HERC2: variants seen among roughly 807,000 people sequenced by gnomAD.
HERC2 encodes the protein HECT and RLD domain containing E3 ubiquitin protein ligase 2, also known as E3 ubiquitin-protein ligase HERC2.
In HERC2, 102 loss-of-function variants were observed where a neutral mutation model predicts 537.7. The observed-to-expected ratio is 0.19, with a 90% CI of 0.16 to 0.22. The LOEUF (loss-of-function observed/expected upper bound fraction) is 0.22. Among genes scored for constraint, HERC2 ranks in the 10% least tolerant of loss-of-function variants. HERC2 has a pLI of 1.00. For synonymous variants in HERC2, 2,224 were observed against 2,466.2 expected, an observed-to-expected ratio of 0.90 and a Z score of 2.91; for missense variants, 4,236 against 6,198.2, an observed-to-expected ratio of 0.68 and a Z score of 10.63.
chr15:28,300,106 C>T (rs1209886463), intron 2 of HERC2, among the ~76,000 whole-genome samples: 1 of 149,416 alleles, frequency 6.7e-6, no homozygotes, highest in Non-Finnish European at 1.5e-5. Flanking sequence ...CACAAACACA[C>T]ACACGTGCAT....
rs1903141469 is a variant in HERC2, at chr15:28,241,710, C to T, written c.3578-2938G>A. Reference sequence around the variant, plus strand: ...TGGCGCACGCCTGTAGTCCCAGCTACTCAGGGGGCTGAGGCAGGGGAATTG... The same window carrying T: ...TGGCGCACGCCTGTAGTCCCAGCTATTCAGGGGGCTGAGGCAGGGGAATTG... On this transcript the variant is annotated intron_variant, in intron 23 of 92. Coordinates refer to ENST00000261609, the MANE Select transcript of HERC2 (RefSeq NM_004667.6). 2.0e-5 allele frequency among the ~76,000 whole-genome samples: 3 copies of T among 152,274 alleles called. No homozygotes were observed. In the South Asian group the frequency reaches 6.2e-4, roughly 32 times the overall value.
At chr15:28,321,564 G>C (rs4932629) in intron 1 of HERC2, 100 bp from the exon 2 acceptor site, 22 of 536,500 alleles carry the variant, frequency 4.1e-5, no homozygotes, top group Non-Finnish European at 6.1e-5. Context: ...GAACAGAAAG[G>C]GGGGAGAGAA....
chr15:28,130,340 T>C (rs774493793), intron 82 of HERC2, 38 bp from the exon 83 acceptor site: 7 of 1,613,482 alleles, frequency 4.3e-6, no homozygotes, highest in Non-Finnish European at 5.9e-6. Flanking sequence ...TGGGGCAAGG[T>C]GATCTCACTG....
In HERC2 at chr15:28,292,905, A is replaced by G; in HGVS notation, c.305T>C (p.Val102Ala). 1 of 1,610,510 alleles carries G rather than the reference A, an allele frequency of 6.2e-7. No individual in the cohort carries two copies. The highest frequency in any genetic ancestry group is 8.5e-7 in the Non-Finnish European group (1 of 1,179,654). ...AAGATTACCTGGTTGCTTGCCCCAT[A>G]CCCAGCTGTCCAGAATTGACTTGGC... Reference protein sequence around the residue: ...YRAKSILDSWVWGKQPDVNEL... With the variant: ...YRAKSILDSWAWGKQPDVNEL... The change falls in exon 4 of 93, where the codon GTA becomes GCA. Residue 102 changes from valine to alanine, a missense_variant. Val to Ala is a moderately conservative substitution (Grantham distance 64). Around this residue, in one of 27 missense-constraint regions of HERC2, gnomAD observed 491 missense variants for 559.3 expected, o/e 0.88. Coordinates refer to ENST00000261609, the MANE Select transcript of HERC2 (RefSeq NM_004667.6).
intron 20 of HERC2, among the ~76,000 whole-genome samples, chr15:28,252,673 A>G (rs1317308770): frequency 6.6e-6 from 1 of 152,220 alleles, no homozygotes; most frequent in Non-Finnish European, 1.5e-5. Context: ...TTCCATTAAC[A>G]CAAACTATAT....
intron 5 of HERC2, among the ~76,000 whole-genome samples, chr15:28,279,830 A>C (rs963543061): frequency 4.6e-5 from 7 of 152,182 alleles, no homozygotes; most frequent in African/African-American, 1.7e-4. Flanking sequence ...AAAAGAAAAG[A>C]AAAATTTTAT....
intron 37 of HERC2, among the ~76,000 whole-genome samples, chr15:28,219,118 A>G (rs925647608): frequency 2.6e-5 from 4 of 152,256 alleles, no homozygotes; most frequent in African/African-American, 9.6e-5. Context: ...ATAACTCAGA[A>G]GCAATAAATG....
At position 28,220,527 on chromosome 15, in the gene HERC2, A is replaced by G; in HGVS notation, c.5770T>C (p.Tyr1924His). Residue 1924 changes from tyrosine to histidine, a missense_variant, in exon 37 of 93, where the codon TAC becomes CAC. Transcript: ENST00000261609. ...GGCAGCTCTGCCAGCTTGAGGTCGT[A>G]TTTTCCTTCTTTCCCCATCCTGTAG... ...NSYRMGKEGK[Y>H]DLKLAELPAA... The G allele has an allele frequency of 6.2e-7, 1 of 1,601,708 alleles. No homozygotes were observed. The highest frequency in any genetic ancestry group is 8.5e-7 in the Non-Finnish European group (1 of 1,179,772).
intron 37 of HERC2, among the ~76,000 whole-genome samples, chr15:28,218,981 G>C (rs1413169576): frequency 6.6e-6 from 1 of 152,040 alleles, no homozygotes. Context: ...GCTTTGGAAA[G>C]GGAAACAGAT....
intron 89 of HERC2, chr15:28,115,174 A>G (rs892959657): frequency 5.1e-5 from 26 of 514,046 alleles, no homozygotes; most frequent in African/African-American, 2.7e-4. Flanking sequence ...CAGCTGCCCA[A>G]AAGCTCAGCT....
At chr15:28,192,242 A>G in intron 52 of HERC2, 91 bp from the exon 53 acceptor site, 1 of 1,128,076 alleles carries the variant, frequency 8.9e-7, no homozygotes, top group South Asian at 1.6e-5. Flanking sequence ...GGAGCTTCTT[A>G]AAGAAAAATA....
At position 28,214,661 on chromosome 15, in the gene HERC2, G is replaced by C. The variant is rs764255392; in HGVS notation, c.6352C>G (p.Leu2118Val). 6.2e-7 allele frequency: 1 copy of C among 1,612,008 alleles called. No individual in the cohort carries two copies. The highest frequency in any genetic ancestry group is 2.2e-5 in the East Asian group (1 of 44,872). Reference sequence around the variant, plus strand: ...AAGGTAGACGGCCACCCACCTCTGAGTAATGGCACGTCAGAGGAGCAGGTA... The same window carrying C: ...AAGGTAGACGGCCACCCACCTCTGACTAATGGCACGTCAGAGGAGCAGGTA... ...LTTCSSDVPL[L>V]RESTLRRRRV... Residue 2118 changes from leucine (L) to valine (V), a missense_variant, in exon 40 of 93, where the codon CTC becomes GTC. By Grantham distance (32) the Leu-to-Val change is conservative. Transcript: ENST00000261609.
In HERC2 at chr15:28,169,620, T is replaced by C. The variant is rs756456241; in HGVS notation, c.10093A>G (p.Asn3365Asp). ...PSDADSSAASNKISGASNSKP... is the reference protein window; with the variant it reads ...PSDADSSAASDKISGASNSKP... ...GAATTACTTGCACCACTTATTTTATTACTGGCAGCAGAAGAATCAGCATCT... is the reference window on the plus strand; with the variant it reads ...GAATTACTTGCACCACTTATTTTATCACTGGCAGCAGAAGAATCAGCATCT... Residue 3365 changes from asparagine (N) to aspartate (D), a missense_variant, in exon 66 of 93, where the codon AAT becomes GAT. Asn to Asp is a conservative substitution (Grantham distance 23). This residue lies in a region of HERC2 where 356 missense variants were observed against 450.9 expected (regional missense o/e 0.79). Transcript: ENST00000261609. The C allele has an allele frequency of 3.7e-6, 6 of 1,613,436 alleles. No homozygotes were observed. In the South Asian group the frequency reaches 6.6e-5, roughly 18 times the overall value.
chr15:28,304,729 CTTTAAG>C (rs2076733887), intron 2 of HERC2, among the ~76,000 whole-genome samples: 1 of 99,294 alleles, frequency 1.0e-5, no homozygotes, highest in African/African-American at 4.6e-5. Context: ...TTTTTTTATA[CTTTAAG>C]TTTTAGGGTA....
At chr15:28,146,420 C>G in intron 70 of HERC2, 76 bp from the exon 71 acceptor site, 3 of 942,696 alleles carry the variant, frequency 3.2e-6, no homozygotes, top group South Asian at 1.3e-5. Flanking sequence ...AAACTAAAAC[C>G]ACATTTAACA....
chr15:28,250,596 G>A (rs1347927741), intron 20 of HERC2, among the ~76,000 whole-genome samples: 1 of 152,084 alleles, frequency 6.6e-6, no homozygotes, highest in African/African-American at 2.4e-5. Context: ...TGTAAATAAC[G>A]ATCTACTCTG....
chr15:28,238,606 A>G lies in HERC2; in HGVS notation c.3744T>C (p.Ile1248=), dbSNP rs1385857268. The change falls in exon 24 of 93, where the codon ATT becomes ATC. Residue 1248 remains isoleucine (I), a synonymous_variant. Coordinates refer to ENST00000261609, the MANE Select transcript of HERC2 (RefSeq NM_004667.6). ...AAATAACAAGTGTAATCTTACCAAGAATACTATTTCCTGTTAACGACTGTG... is the reference window on the plus strand; with the variant it reads ...AAATAACAAGTGTAATCTTACCAAGGATACTATTTCCTGTTAACGACTGTG... The part of the protein sequence containing the change: ...FQTQSLTGNS[I]LAQFAGEDPV... 6.2e-7 allele frequency: 1 copy of G among 1,609,914 alleles called. No individual in the cohort carries two copies. Among genetic ancestry groups the G allele is most frequent in the South Asian group, 1.1e-5 (1 of 90,918 alleles).
chr15:28,275,049 G>A, intron 5 of HERC2, 44 bp from the exon 6 acceptor site: 1 of 1,258,316 alleles, frequency 7.9e-7, no homozygotes. Flanking sequence ...CAGCAGCAGA[G>A]GGTGCAGATA....
chr15:28,131,865 G>A (rs1358207738), intron 81 of HERC2, among the ~76,000 whole-genome samples: 1 of 152,178 alleles, frequency 6.6e-6, no homozygotes, highest in African/African-American at 2.4e-5. Flanking sequence ...CACTTCTCAA[G>A]AGAACGCACA....
Sources: gnomAD v4.1 joint callset for allele counts (sites outside exome capture counted in the v4.1 genomes callset) on GRCh38, gnomAD v4.1.1 for gene constraint, gnomAD v4.1.1 regional missense constraint, MANE v1.5 for transcripts, NCBI Gene and HGNC (gene_info 2026-07-23, HGNC 2026-07-21) for gene names.